The following RCOR1 variants were observed in gnomAD, a reference collection of about 807,000 sequenced individuals.
RCOR1 encodes REST corepressor.
A neutral mutation model predicts 64.0 loss-of-function variants in RCOR1; 12 were observed. The ratio of observed to expected loss-of-function variants is 0.19; its 90% CI spans 0.12 to 0.30. The LOEUF (loss-of-function observed/expected upper bound fraction) is 0.30. RCOR1 is among the 10% of genes least tolerant of loss of function. RCOR1 has a pLI of 1.00. For synonymous variants in RCOR1, 279 were observed against 227.2 expected (o/e 1.23, Z -2.05); for missense variants, 502 against 621.2 (o/e 0.81, Z 2.04).
chr14:102,719,616 A>G (rs1185607130), intron 8 of RCOR1, among the ~76,000 whole-genome samples: 1 of 152,188 alleles, frequency 6.6e-6, no homozygotes, highest in East Asian at 1.9e-4. Context: ...TCCATGGTAT[A>G]TATGCAGCCT....
In RCOR1 at chr14:102,661,460, A is replaced by G. The variant is rs114938176; in HGVS notation, c.362-20435A>G. Among the ~76,000 whole-genome samples the G allele has an allele frequency of 2.5e-3, 374 of 152,342 alleles. 5 individuals are homozygous for G. Among genetic ancestry groups the G allele is most frequent in the African/African-American group, 8.8e-3 (364 of 41,586 alleles). On this transcript the variant is annotated intron_variant, in intron 2 of 11. Transcript: ENST00000262241. ...ATAGGTAGTACTTCCATCCTCTTTC[A>G]TGAAACTACAGTATGTCTATTCTCA...
intron 2 of RCOR1, among the ~76,000 whole-genome samples, chr14:102,598,973 G>T (rs1270989789): frequency 6.6e-6 from 1 of 151,984 alleles, no homozygotes; most frequent in Non-Finnish European, 1.5e-5. Context: ...GCTGTCTGCC[G>T]CAGATTATGC....
chr14:102,661,961 T>C (rs1455261944), intron 2 of RCOR1, among the ~76,000 whole-genome samples: 1 of 151,996 alleles, frequency 6.6e-6, no homozygotes, highest in African/African-American at 2.4e-5. Context: ...GGGTCTCACT[T>C]TGTTGCCCAG....
At chr14:102,688,539 C>T (rs973169896) in intron 3 of RCOR1, among the ~76,000 whole-genome samples, 1 of 152,072 alleles carries the variant, frequency 6.6e-6, no homozygotes, top group African/African-American at 2.4e-5. Flanking sequence ...AATTCCAAGT[C>T]AGAGAAGTTG....
At chr14:102,606,934 G>GGT (rs1198552794) in intron 2 of RCOR1, among the ~76,000 whole-genome samples, 1 of 112,066 alleles carries the variant, frequency 8.9e-6, no homozygotes, top group Non-Finnish European at 1.8e-5. Flanking sequence ...TTTTGTGTTA[G>GGT]TTTTTTTTTT....
intron 2 of RCOR1, among the ~76,000 whole-genome samples, chr14:102,665,117 T>TG (rs1276944931): frequency 6.6e-6 from 1 of 152,122 alleles, no homozygotes; most frequent in Non-Finnish European, 1.5e-5. Context: ...GCGATTCTTC[T>TG]GCCTCAGCCT....
intron 2 of RCOR1, chr14:102,662,798 C>A (rs1194580627): frequency 5.4e-6 from 1 of 184,376 alleles, no homozygotes; most frequent in Non-Finnish European, 1.2e-5. Flanking sequence ...CATTTGAGTT[C>A]TTTCCAATTT....
chr14:102,603,573 C>CT (rs1037421721), intron 2 of RCOR1, among the ~76,000 whole-genome samples: 8 of 151,116 alleles, frequency 5.3e-5, no homozygotes, highest in Non-Finnish European at 1.0e-4. Flanking sequence ...ATTTTTTTTT[C>CT]TTTTTTTTGC....
intron 2 of RCOR1, among the ~76,000 whole-genome samples, chr14:102,599,228 A>G (rs1567402779): frequency 2.0e-5 from 3 of 151,788 alleles, no homozygotes; most frequent in Non-Finnish European, 4.4e-5. Context: ...GGCGCACACT[A>G]TCCTCCCATC....
intron 3 of RCOR1, among the ~76,000 whole-genome samples, chr14:102,687,696 T>G (rs1047617128): frequency 3.9e-5 from 6 of 152,146 alleles, no homozygotes; most frequent in Admixed American, 2.6e-4. Context: ...ATCTGGAGGG[T>G]GGCAGACTGA....
At chr14:102,697,751 C>T (rs1432727199) in intron 3 of RCOR1, among the ~76,000 whole-genome samples, 2 of 148,874 alleles carry the variant, frequency 1.3e-5, no homozygotes, top group Non-Finnish European at 3.0e-5. Flanking sequence ...GACAGGGTCT[C>T]GCTCTGTTGC....
intron 2 of RCOR1, among the ~76,000 whole-genome samples, chr14:102,645,374 T>G (rs1340956591): frequency 1.3e-5 from 2 of 152,256 alleles, no homozygotes; most frequent in African/African-American, 4.8e-5. Flanking sequence ...AAATTCTGCC[T>G]GGAAATATCC....
intron 6 of RCOR1, chr14:102,710,652 C>T: frequency 3.2e-6 from 1 of 314,466 alleles, no homozygotes; most frequent in Non-Finnish European, 5.8e-6. Flanking sequence ...TTTCAGTTTA[C>T]AGATATAGAG....
At chr14:102,644,316 C>T (rs746183110) in intron 2 of RCOR1, among the ~76,000 whole-genome samples, 1 of 152,176 alleles carries the variant, frequency 6.6e-6, no homozygotes, top group East Asian at 1.9e-4. Context: ...GGCTCCTTTC[C>T]GATGTAGTCA....
At position 102,686,074 on chromosome 14, in the gene RCOR1, A is replaced by G. The variant is rs150637964; in HGVS notation, c.445+4096A>G. The stretch of plus-strand genomic sequence containing the variant: ...AAATTATCACATGTACCCTGGAAAT[A>G]TGTACATCTGATATGTATCAGTAAA... On this transcript the variant is annotated intron_variant, in intron 3 of 11. Coordinates refer to ENST00000262241, the MANE Select transcript of RCOR1 (RefSeq NM_015156.4). Among the ~76,000 whole-genome samples the G allele has an allele frequency of 2.0e-5, 3 of 152,308 alleles. No individual in the cohort carries two copies. In the East Asian group the frequency reaches 5.8e-4, roughly 29 times the overall value.
intron 2 of RCOR1, among the ~76,000 whole-genome samples, chr14:102,595,872 C>G (rs1395298527): frequency 6.6e-6 from 1 of 152,096 alleles, no homozygotes; most frequent in East Asian, 1.9e-4. Context: ...TGCCACCGCG[C>G]CCGGCCCCAA....
At chr14:102,701,946 C>T (rs571602286) in intron 4 of RCOR1, among the ~76,000 whole-genome samples, 9 of 152,240 alleles carry the variant, frequency 5.9e-5, no homozygotes, top group African/African-American at 2.4e-5. Context: ...GGATTACAGG[C>T]GTGAGCCACT....
At chr14:102,606,883 C>T (rs1185274732) in intron 2 of RCOR1, among the ~76,000 whole-genome samples, 1 of 147,264 alleles carries the variant, frequency 6.8e-6, no homozygotes, top group African/African-American at 2.5e-5. Context: ...TGGGTCTTTT[C>T]TTGAATAGGC....
rs1157673797 is a variant in RCOR1 at position 102,726,550 on chromosome 14, C to T, written c.*44C>T. The T allele has an allele frequency of 2.0e-6, 3 of 1,521,612 alleles. No individual in the cohort carries two copies. The South Asian group carries it at 3.5e-5, about 18-fold the overall frequency. 94.3% of individuals were successfully genotyped at this position (1,521,612 alleles called of 1,614,324 possible). The stretch of plus-strand genomic sequence containing the variant: ...CACTTGGTGTGGACTACTGTGTTAT[C>T]CGGGATATCAGGTATTATGAGACAT... On this transcript the variant is annotated 3_prime_UTR_variant, in exon 12 of 12. Transcript: ENST00000262241.
Sources: allele counts gnomAD v4.1 joint callset (sites outside exome capture counted in the v4.1 genomes callset), GRCh38; gene constraint gnomAD v4.1.1; transcripts MANE v1.5; gene names NCBI Gene and HGNC (gene_info 2026-07-23, HGNC 2026-07-21).